Variants in PPA2 observed in about 807,000 individuals in gnomAD.
PPA2 encodes inorganic pyrophosphatase 2.
Under a neutral mutation model 49.5 loss-of-function variants are expected in PPA2, and 48 were observed. The observed-to-expected ratio is 0.97, with a 90% confidence interval of 0.77 to 1.23. The LOEUF (loss-of-function observed/expected upper bound fraction) is 1.23. PPA2 is among the 50% of genes most tolerant of loss of function. PPA2 has a pLI of 0.00. For missense variants in PPA2, 429 were observed against 410.1 expected, an observed-to-expected ratio of 1.05 and a Z score of -0.40; for synonymous variants, 131 against 139.9, an observed-to-expected ratio of 0.94 and a Z score of 0.45.
chr4:105,440,980 T>C (rs1251308250), intron 5 of PPA2, among the ~76,000 whole-genome samples: 1 of 152,234 alleles, frequency 6.6e-6, no homozygotes, highest in Non-Finnish European at 1.5e-5. Flanking sequence ...CTACAGGCCT[T>C]AGTTTTTACT....
intron 10 of PPA2, among the ~76,000 whole-genome samples, chr4:105,377,830 T>C (rs758591381): frequency 1.3e-5 from 2 of 152,174 alleles, no homozygotes; most frequent in Admixed American, 6.6e-5. Context: ...ACTCAATATT[T>C]TTTTTTAAGA....
At chr4:105,412,725 T>C (rs972224700) in intron 7 of PPA2, among the ~76,000 whole-genome samples, 1 of 152,140 alleles carries the variant, frequency 6.6e-6, no homozygotes, top group Non-Finnish European at 1.5e-5. Flanking sequence ...AACAGACACA[T>C]GAAAACATGC....
intron 10 of PPA2, among the ~76,000 whole-genome samples, chr4:105,381,109 G>A (rs1194329373): frequency 1.3e-5 from 2 of 151,928 alleles, no homozygotes; most frequent in East Asian, 3.8e-4. Context: ...ATTGTATTGT[G>A]TTTTATTTTG....
chr4:105,454,756 G>A (rs1466437386), intron 2 of PPA2, among the ~76,000 whole-genome samples: 1 of 152,068 alleles, frequency 6.6e-6, no homozygotes, highest in Non-Finnish European at 1.5e-5. Context: ...CATATCTCCA[G>A]AATTCACTGG....
intron 4 of PPA2, among the ~76,000 whole-genome samples, chr4:105,448,756 T>C (rs1248197882): frequency 2.6e-5 from 4 of 151,948 alleles, no homozygotes; most frequent in Non-Finnish European, 5.9e-5. Flanking sequence ...GAACCAAATA[T>C]ATCTCAGAAT....
At chr4:105,373,795 A>ACACACC (rs70964650) in intron 10 of PPA2, among the ~76,000 whole-genome samples, 1 of 147,746 alleles carries the variant, frequency 6.8e-6, no homozygotes, top group South Asian at 2.2e-4. Flanking sequence ...ACACACACAC[A>ACACACC]CCCCATCATA....
At chr4:105,398,193 A>C (rs551630692) in intron 8 of PPA2, 1 of 152,150 alleles carries the variant, frequency 6.6e-6, no homozygotes, top group African/African-American at 2.4e-5. Flanking sequence ...ATAAAATGAA[A>C]ATTTTTAAAA....
chr4:105,463,405 G>T (rs988440167), intron 1 of PPA2, among the ~76,000 whole-genome samples: 2 of 152,136 alleles, frequency 1.3e-5, no homozygotes, highest in African/African-American at 4.8e-5. Flanking sequence ...GGTGACTTGG[G>T]TGCTGTTAAA....
chr4:105,410,054 G>C (rs1435418489), intron 7 of PPA2, among the ~76,000 whole-genome samples: 2 of 152,234 alleles, frequency 1.3e-5, no homozygotes, highest in Non-Finnish European at 2.9e-5. Context: ...AAGCTGGATG[G>C]AGAATGAGTT....
intron 7 of PPA2, among the ~76,000 whole-genome samples, chr4:105,402,569 T>C (rs895893388): frequency 7.2e-5 from 11 of 152,030 alleles, no homozygotes; most frequent in Admixed American, 6.6e-4. Context: ...TAGAGCACAG[T>C]GAAAAAACAG....
intron 7 of PPA2, among the ~76,000 whole-genome samples, chr4:105,415,871 TTAAG>T (rs1722983708): frequency 6.6e-6 from 1 of 152,218 alleles, no homozygotes; most frequent in African/African-American, 2.4e-5. Context: ...CTCTAAAAGG[TTAAG>T]TAATTTGCTC....
At chr4:105,413,008 A>G (rs1217373771) in intron 7 of PPA2, among the ~76,000 whole-genome samples, 1 of 152,248 alleles carries the variant, frequency 6.6e-6, no homozygotes, top group Non-Finnish European at 1.5e-5. Flanking sequence ...ATTATAAATC[A>G]TGCTACTATA....
chr4:105,432,608 G>A (rs1355073139), intron 6 of PPA2, among the ~76,000 whole-genome samples: 1 of 152,212 alleles, frequency 6.6e-6, no homozygotes, highest in African/African-American at 2.4e-5. Flanking sequence ...GAAGGGGATA[G>A]GGCAAGCTTG....
At chr4:105,399,307 T>G (rs1465850550) in intron 7 of PPA2, 143 bp from the exon 8 acceptor site, 20 of 719,148 alleles carry the variant, frequency 2.8e-5, no homozygotes, top group South Asian at 1.9e-4. Flanking sequence ...TAGAGCAGCA[T>G]CATCATTGAT....
At position 105,378,624 on chromosome 4, in the gene PPA2, T is replaced by C. The variant is rs1037627636; in HGVS notation, c.940-7751A>G. Among the ~76,000 whole-genome samples the C allele has an allele frequency of 9.5e-4, 144 of 152,112 alleles. 1 individual carries two copies. The highest frequency in any genetic ancestry group is 1.7e-3 in the Non-Finnish European group (113 of 67,980). ...CCTATTTATCATTTTAAAGAACAGA[T>C]TGTGCCTTTGGTGTCATATCTAAGA... is the stretch of plus-strand genomic sequence containing the variant. On this transcript the variant is annotated intron_variant, in intron 10 of 11. Coordinates refer to ENST00000341695, the MANE Select transcript of PPA2 (RefSeq NM_176869.3).
chr4:105,376,986 G>A (rs925617412), intron 10 of PPA2, among the ~76,000 whole-genome samples: 3 of 152,158 alleles, frequency 2.0e-5, no homozygotes, highest in African/African-American at 7.2e-5. Flanking sequence ...AAAGAGGAAA[G>A]TGCTTAAACA....
intron 10 of PPA2, among the ~76,000 whole-genome samples, chr4:105,373,665 A>C (rs1733119876): frequency 6.6e-6 from 1 of 152,106 alleles, no homozygotes; most frequent in African/African-American, 2.4e-5. Flanking sequence ...TTTTATTTTA[A>C]AATAATTTCC....
At chr4:105,370,341 G>T (rs1732972334) in intron 11 of PPA2, among the ~76,000 whole-genome samples, 1 of 152,038 alleles carries the variant, frequency 6.6e-6, no homozygotes, top group Non-Finnish European at 1.5e-5. Context: ...GACAAATGAT[G>T]TGTGCACATG....
intron 3 of PPA2, 66 bp from the exon 4 acceptor site, chr4:105,449,469 C>T: frequency 5.0e-6 from 5 of 1,002,206 alleles, no homozygotes; most frequent in African/African-American, 1.6e-5. Context: ...TCCGTTACCT[C>T]CCTTATAAGA....
Sources: allele counts gnomAD v4.1 joint callset (sites outside exome capture counted in the v4.1 genomes callset), GRCh38; gene constraint gnomAD v4.1.1; transcripts MANE v1.5; gene names NCBI Gene and HGNC (gene_info 2026-07-23, HGNC 2026-07-21).